The following DNAH12 variants were observed in gnomAD, a reference collection of about 807,000 sequenced individuals.
DNAH12 encodes the protein dynein axonemal heavy chain 12.
Under a neutral mutation model 371.5 loss-of-function variants are expected in DNAH12, and 285 were observed. The observed-to-expected ratio is 0.77, with a 90% confidence interval of 0.70 to 0.85. DNAH12 has a LOEUF of 0.85. Ranked by LOEUF, DNAH12 falls within the 40% of genes least tolerant of loss-of-function variation. DNAH12 has a pLI of 0.00. For synonymous variants in DNAH12, 1,200 were observed against 1,213.0 expected, an observed-to-expected ratio of 0.99 and a Z score of 0.22; for missense variants, 3,611 against 3,689.4, an observed-to-expected ratio of 0.98 and a Z score of 0.55.
intron 60 of DNAH12, among the ~76,000 whole-genome samples, chr3:57,347,880 C>A (rs1333297119): frequency 6.6e-6 from 1 of 152,116 alleles, no homozygotes; most frequent in African/African-American, 2.4e-5. Context: ...TGGCCACTTT[C>A]CAAAATAGGT....
At chr3:57,492,846 A>G (rs1685749680) in intron 11 of DNAH12, among the ~76,000 whole-genome samples, 1 of 152,052 alleles carries the variant, frequency 6.6e-6, no homozygotes, top group South Asian at 2.1e-4. Context: ...CTCTACTAAA[A>G]ATACAAAAAT....
chr3:57,319,892 T>C (rs2061767540), intron 65 of DNAH12, among the ~76,000 whole-genome samples: 1 of 152,038 alleles, frequency 6.6e-6, no homozygotes, highest in South Asian at 2.1e-4. Flanking sequence ...GCTGAGAGTT[T>C]ATATTATAAA....
rs1326237791 is a variant in DNAH12, at chr3:57,389,839, T to TATATATATATAAAA, written c.7305+2032_7305+2033insTTTTATATATATAT. Among the ~76,000 whole-genome samples the TATATATATATAAAA allele has an allele frequency of 9.7e-4, 82 of 84,830 alleles. 2 individuals are homozygous for TATATATATATAAAA. The highest frequency in any genetic ancestry group is 2.0e-3 in the Non-Finnish European group (71 of 36,230). 55.7% of individuals were successfully genotyped at this position (84,830 alleles called of 152,430 possible). On this transcript the variant is annotated intron_variant, in intron 45 of 73. Transcript: ENST00000495027. ...GTGTGTGTGTATATATATATATATA[T>TATATATATATAAAA]AATACTTTTTTTTTTGAAATGGAGT...
intron 58 of DNAH12, among the ~76,000 whole-genome samples, chr3:57,359,522 G>GCA (rs2062874276): frequency 7.5e-6 from 1 of 133,786 alleles, no homozygotes; most frequent in Non-Finnish European, 1.5e-5. Flanking sequence ...TTGCGCCATT[G>GCA]CACTCCAGCC....
At chr3:57,337,434 C>T (rs1195296527) in intron 60 of DNAH12, among the ~76,000 whole-genome samples, 1 of 152,132 alleles carries the variant, frequency 6.6e-6, no homozygotes, top group Non-Finnish European at 1.5e-5. Context: ...CCAAGGAGGG[C>T]AGATCACCTG....
Position 57,433,846 on chromosome 3 carries a change from T to C in DNAH12, c.4656-18A>G. The C allele has an allele frequency of 6.6e-7, 1 of 1,505,860 alleles. No individual in the cohort carries two copies. Among genetic ancestry groups the C allele is most frequent in the Non-Finnish European group, 8.8e-7 (1 of 1,131,542 alleles). The allele number at this position is 1,505,860 out of a possible 1,614,324, so 93.3% of individuals were successfully genotyped here. ...ACATAAAACTATGAAGGAAAAGAAA[T>C]AATTATACAATAAGAGTCTTTAAAG... On this transcript the variant is annotated intron_variant, in intron 30 of 73. Coordinates refer to ENST00000495027, the MANE Select transcript of DNAH12 (RefSeq NM_001366028.2).
intron 29 of DNAH12, 21 bp from the exon 30 acceptor site, chr3:57,437,081 G>A: frequency 7.0e-7 from 1 of 1,434,956 alleles, no homozygotes; most frequent in East Asian, 2.6e-5. Flanking sequence ...AAAAAGTAAT[G>A]CATTTCTACA....
intron 66 of DNAH12, among the ~76,000 whole-genome samples, chr3:57,311,331 C>T (rs2061580174): frequency 6.6e-6 from 1 of 152,196 alleles, no homozygotes; most frequent in African/African-American, 2.4e-5. Context: ...CCCAACTCAG[C>T]CTCCCAAAGT....
At chr3:57,300,370 T>A (rs1205663353) in intron 70 of DNAH12, among the ~76,000 whole-genome samples, 1 of 152,220 alleles carries the variant, frequency 6.6e-6, no homozygotes, top group East Asian at 1.9e-4. Context: ...ATGAGAGAAC[T>A]ATAGCTTCTA....
chr3:57,315,603 T>TG (rs1008585659), intron 65 of DNAH12, among the ~76,000 whole-genome samples: 1 of 152,032 alleles, frequency 6.6e-6, no homozygotes, highest in African/African-American at 2.4e-5. Flanking sequence ...CTATCTAGAC[T>TG]GGGTTCCTCC....
intron 11 of DNAH12, among the ~76,000 whole-genome samples, chr3:57,497,200 A>C (rs1214939076): frequency 6.6e-6 from 1 of 152,222 alleles, no homozygotes; most frequent in Non-Finnish European, 1.5e-5. Context: ...ATGGAATCCT[A>C]ACCAAAATCC....
chr3:57,338,840 A>G (rs1553655030), intron 60 of DNAH12, among the ~76,000 whole-genome samples: 1 of 152,256 alleles, frequency 6.6e-6, no homozygotes, highest in Non-Finnish European at 1.5e-5. Flanking sequence ...CCAAGTGTGA[A>G]GTGACAGCCT....
At chr3:57,324,648 A>T (rs1484557073) in intron 62 of DNAH12, among the ~76,000 whole-genome samples, 8 of 152,158 alleles carry the variant, frequency 5.3e-5, no homozygotes, top group Non-Finnish European at 8.8e-5. Context: ...AGCCACGCAG[A>T]AGAGGGGTGA....
intron 43 of DNAH12, chr3:57,402,252 G>A (rs1278287980): frequency 1.9e-6 from 1 of 526,662 alleles, no homozygotes; most frequent in Admixed American, 4.2e-5. Context: ...TAAATTTTAG[G>A]TTGTAGAAAT....
chr3:57,476,024 T>C (rs1195917665), intron 13 of DNAH12, among the ~76,000 whole-genome samples: 1 of 152,148 alleles, frequency 6.6e-6, no homozygotes, highest in Non-Finnish European at 1.5e-5. Flanking sequence ...AGTAAAATTT[T>C]TAAAATAAAT....
rs1472810207 is a variant in DNAH12 at position 57,458,096 on chromosome 3, T to C, written c.3053+3A>G. The stretch of plus-strand genomic sequence containing the variant: ...TTACAGCACAATTGATTATTTATCA[T>C]ACCGAGGGAAGAAAAGACGTTTCTT... On this transcript the variant is annotated splice_donor_region_variant and intron_variant, in intron 21 of 73. Coordinates refer to ENST00000495027, the MANE Select transcript of DNAH12 (RefSeq NM_001366028.2). 1.3e-6 allele frequency: 2 copies of C among 1,543,972 alleles called. No homozygotes were observed. The highest frequency in any genetic ancestry group is 2.0e-5 in the Admixed American group (1 of 48,930).
intron 13 of DNAH12, among the ~76,000 whole-genome samples, chr3:57,476,020 A>T (rs1006100455): frequency 1.1e-4 from 16 of 152,206 alleles, no homozygotes; most frequent in Non-Finnish European, 1.9e-4. Context: ...GAACAGTAAA[A>T]TTTTTAAAAT....
chr3:57,388,244 C>T (rs926944010), intron 45 of DNAH12, among the ~76,000 whole-genome samples: 2 of 152,154 alleles, frequency 1.3e-5, no homozygotes, highest in African/African-American at 2.4e-5. Context: ...AGCTCATATA[C>T]TGACTTACCA....
chr3:57,530,549 T>G (rs2068804465), intron 2 of DNAH12: 3 of 692,880 alleles, frequency 4.3e-6, no homozygotes, highest in Admixed American at 2.1e-5. Context: ...TTTTTTTAGA[T>G]TGTTTTTTGT....
Sources: allele counts gnomAD v4.1 joint callset (sites outside exome capture counted in the v4.1 genomes callset), GRCh38; gene constraint gnomAD v4.1.1; transcripts MANE v1.5; gene names NCBI Gene and HGNC (gene_info 2026-07-23, HGNC 2026-07-21).